GDPD5: variants seen among roughly 807,000 people sequenced by gnomAD.
The protein encoded by GDPD5 is glycerophosphodiester phosphodiesterase 2.
GDPD5 carries 48 observed loss-of-function variants against 75.1 expected under a neutral mutation model. The ratio of observed to expected loss-of-function variants is 0.64; its 90% CI spans 0.51 to 0.81. The LOEUF (loss-of-function observed/expected upper bound fraction) is 0.81. Ranked by LOEUF, GDPD5 falls within the 40% of genes least tolerant of loss-of-function variation. GDPD5 has a pLI of 0.00. For missense variants in GDPD5, 706 were observed against 822.6 expected (o/e 0.86, Z 1.73); for synonymous variants, 336 against 339.0 (o/e 0.99, Z 0.10).
chr11:75,459,268 CT>C (rs775997971), intron 4 of GDPD5, among the ~76,000 whole-genome samples: 5 of 151,890 alleles, frequency 3.3e-5, no homozygotes, highest in Non-Finnish European at 5.9e-5. Context: ...ACATATCTTT[CT>C]GTATTTTTGA....
chr11:75,443,043 T>C (rs1228399158), intron 11 of GDPD5, 93 bp downstream of exon 11: 1 of 1,425,108 alleles, frequency 7.0e-7, no homozygotes, highest in East Asian at 2.5e-5. Context: ...AGAGTGGGGG[T>C]CTCGAAGCTG....
rs758141935 is a variant in GDPD5, at chr11:75,443,249, G to A, written c.835C>T (p.Leu279=). Residue 279 remains leucine (L), a synonymous_variant, in exon 11 of 17, where the codon CTG becomes TTG. Transcript: ENST00000336898. ...GVPFLMHDTT[L]RRTTNVEEEF... The stretch of plus-strand genomic sequence containing the variant: ...TCCTCCACGTTGGTGGTGCGCCGCA[G>A]GGTGGTGTCATGCATGAGGAAGGGC... 20 of 1,610,330 alleles carry A rather than the reference G, an allele frequency of 1.2e-5. No homozygotes were observed. The Middle Eastern group carries it at 1.3e-3, about 106-fold the overall frequency.
chr11:75,462,247 G>A (rs1053382269), intron 4 of GDPD5, among the ~76,000 whole-genome samples: 7 of 152,200 alleles, frequency 4.6e-5, no homozygotes, highest in East Asian at 1.9e-4. Context: ...TCACAGCACC[G>A]GGAAGGAATG....
In GDPD5 at chr11:75,513,182, C is replaced by T. The variant is rs866338605; in HGVS notation, c.-145+12028G>A. On this transcript the variant is annotated intron_variant, in intron 1 of 16. Coordinates refer to ENST00000336898, the MANE Select transcript of GDPD5 (RefSeq NM_030792.8). ...GGACCAATTTAAATCATTACATGAC[C>T]TCAGACAAGTCACCTTCCTTCTCTC... Among the ~76,000 whole-genome samples the T allele has an allele frequency of 3.3e-5, 5 of 152,162 alleles. No homozygotes were observed. The South Asian group carries it at 1.0e-3, about 32-fold the overall frequency.
intron 1 of GDPD5, among the ~76,000 whole-genome samples, chr11:75,514,001 G>C (rs1950587392): frequency 6.6e-6 from 1 of 152,176 alleles, no homozygotes; most frequent in Non-Finnish European, 1.5e-5. Context: ...TTTCTCACCT[G>C]CAAAATGAGG....
At chr11:75,489,824 G>C (rs747952210) in intron 2 of GDPD5, among the ~76,000 whole-genome samples, 9 of 151,312 alleles carry the variant, frequency 5.9e-5, no homozygotes, top group African/African-American at 2.2e-4. Context: ...ACTGCAGCTC[G>C]AACTCCTGGG....
At chr11:75,436,183 C>T (rs1948620790) in intron 16 of GDPD5, among the ~76,000 whole-genome samples, 1 of 152,154 alleles carries the variant, frequency 6.6e-6, no homozygotes, top group African/African-American at 2.4e-5. Context: ...CATCTATGTC[C>T]CCAGGGCCTG....
Position 75,439,742 on chromosome 11 carries a change from G to A in GDPD5, c.1556+137C>T, listed in dbSNP as rs143136682. The A allele has an allele frequency of 1.6e-4, 111 of 712,620 alleles. 1 individual carries two copies. The highest frequency in any genetic ancestry group is 1.1e-3 in the African/African-American group (59 of 55,962). 44.1% of individuals were successfully genotyped at this position (712,620 alleles called of 1,614,324 possible). A position where few individuals can be genotyped will look rare whatever the true frequency, so the allele number is the denominator to read the frequency against. ...CTGTCTGAGGGAGGATGGGGCCACC[G>A]GAGTCCGTCCTTCTTCCCTGGTCAG... On this transcript the variant is annotated intron_variant, in intron 15 of 16. Transcript: ENST00000336898.
chr11:75,442,491 C>A lies in GDPD5; in HGVS notation c.1039G>T (p.Glu347Ter). 1.2e-6 allele frequency: 2 copies of A among 1,614,074 alleles called. No homozygotes were observed. Among genetic ancestry groups the A allele is most frequent in the Non-Finnish European group, 1.7e-6 (2 of 1,180,006 alleles). The change falls in exon 12 of 17, where the codon GAG (glutamate) becomes TAG (stop). Residue 347 changes from glutamate (E) to a stop codon, truncating the protein, a stop_gained. Transcript: ENST00000336898. LOFTEE classifies it high-confidence loss of function. ...QSICSLAELLELAKGNATLLL... is the reference protein window; with the variant it reads ...QSICSLAELL ...AGTGTGGCATTGCCCTTGGCCAGCT[C>A]CAGGAGCTCTGCCAGGCTGCAGATG...
intron 3 of GDPD5, among the ~76,000 whole-genome samples, chr11:75,471,292 G>T (rs562138419): frequency 5.7e-4 from 86 of 152,198 alleles, no homozygotes; most frequent in Non-Finnish European, 1.1e-3. Context: ...TGGTGGCCTG[G>T]GGAGGTTGAA....
chr11:75,492,024 TC>T (rs1950118121), intron 1 of GDPD5, among the ~76,000 whole-genome samples: 1 of 152,142 alleles, frequency 6.6e-6, no homozygotes, highest in Admixed American at 6.5e-5. Context: ...CAGTGCTCCT[TC>T]CACCACACCT....
chr11:75,473,363 A>G (rs1206060820), intron 3 of GDPD5, among the ~76,000 whole-genome samples: 1 of 151,860 alleles, frequency 6.6e-6, no homozygotes, highest in Non-Finnish European at 1.5e-5. Flanking sequence ...GCCTCCATCC[A>G]CCCACGCTGG....
intron 2 of GDPD5, among the ~76,000 whole-genome samples, chr11:75,481,799 C>T (rs1024766105): frequency 1.3e-5 from 2 of 152,004 alleles, no homozygotes; most frequent in Non-Finnish European, 1.5e-5. Context: ...AGGGAGGAGG[C>T]GGGTGCAATG....
intron 2 of GDPD5, among the ~76,000 whole-genome samples, chr11:75,482,355 T>C (rs967208300): frequency 6.6e-6 from 1 of 152,112 alleles, no homozygotes; most frequent in African/African-American, 2.4e-5. Context: ...GCTGCAGCCA[T>C]CTTGTCCACT....
chr11:75,516,663 T>A (rs1448321379), intron 1 of GDPD5, among the ~76,000 whole-genome samples: 1 of 152,182 alleles, frequency 6.6e-6, no homozygotes. Context: ...CCCCAGCAAG[T>A]GCATGCACCA....
intron 1 of GDPD5, among the ~76,000 whole-genome samples, chr11:75,524,319 G>C (rs990784978): frequency 6.6e-6 from 1 of 152,234 alleles, no homozygotes; most frequent in South Asian, 2.1e-4. Context: ...ATACATGGTC[G>C]CCCAGATCTC....
In GDPD5 at chr11:75,461,589, C is replaced by T. The variant is rs537274698; in HGVS notation, c.221+1197G>A. On this transcript the variant is annotated intron_variant, in intron 4 of 16. Coordinates refer to ENST00000336898, the MANE Select transcript of GDPD5 (RefSeq NM_030792.8). ...CAAATGCTAACATCATGCTGCCTTCCGGCTAGAGATGTGGTCTCCTAGGAA... is the reference window on the plus strand; with the variant it reads ...CAAATGCTAACATCATGCTGCCTTCTGGCTAGAGATGTGGTCTCCTAGGAA... 4.6e-5 allele frequency among the ~76,000 whole-genome samples: 7 copies of T among 152,314 alleles called. No homozygotes were observed. In the East Asian group the frequency reaches 5.8e-4, roughly 13 times the overall value.
intron 2 of GDPD5, among the ~76,000 whole-genome samples, chr11:75,481,355 T>C (rs1308748363): frequency 2.6e-5 from 4 of 152,194 alleles, no homozygotes; most frequent in Non-Finnish European, 5.9e-5. Context: ...GATTACAGCC[T>C]GCAGTCTGAG....
At position 75,489,004 on chromosome 11, in the gene GDPD5, C is replaced by T. The variant is rs1046107010; in HGVS notation, c.-61+1233G>A. ...CCTATGTCCCCTGCACTGGGCCTGG[C>T]ACCAAGGAGGTACCTATTTAGTTGT... On this transcript the variant is annotated intron_variant, in intron 2 of 16. Transcript: ENST00000336898. Among the ~76,000 whole-genome samples, 151 of 152,198 alleles carry T rather than the reference C, an allele frequency of 9.9e-4. 2 individuals carry two copies. Among genetic ancestry groups the T allele is most frequent in the African/African-American group, 3.5e-3 (147 of 41,526 alleles).
Sources: allele counts gnomAD v4.1 joint callset (sites outside exome capture counted in the v4.1 genomes callset), GRCh38; gene constraint gnomAD v4.1.1; transcripts MANE v1.5; gene names NCBI Gene and HGNC (gene_info 2026-07-23, HGNC 2026-07-21).